The following PTPN21 variants were observed in gnomAD, a reference collection of about 807,000 sequenced individuals.
PTPN21 encodes the protein tyrosine-protein phosphatase non-receptor type 21.
A neutral mutation model predicts 131.8 loss-of-function variants in PTPN21; 77 were observed. The ratio of observed to expected loss-of-function variants is 0.58; its 90% CI spans 0.49 to 0.71. PTPN21 has a LOEUF of 0.71. Among genes scored for constraint, PTPN21 ranks in the 30% least tolerant of loss-of-function variants. The probability of loss-of-function intolerance (pLI) is 0.00; values close to 1 mark genes in which losing one functional copy is unlikely to be tolerated. For missense variants in PTPN21, 1,552 were observed against 1,527.1 expected (o/e 1.02, Z -0.27); for synonymous variants, 715 against 621.3 (o/e 1.15, Z -2.24).
intron 2 of PTPN21, among the ~76,000 whole-genome samples, chr14:88,535,909 G>A (rs2078624375): frequency 6.6e-6 from 1 of 152,204 alleles, no homozygotes; most frequent in Non-Finnish European, 1.5e-5. Flanking sequence ...TGTTAATGGA[G>A]TTCGTTTAAT....
chr14:88,518,404 ATATATATATATTTTTTTT>A (rs1330193485), intron 2 of PTPN21, among the ~76,000 whole-genome samples: 5 of 20,836 alleles, frequency 2.4e-4, no homozygotes, highest in South Asian at 1.5e-3. Flanking sequence ...ATATATATAT[ATATATATATATTTTTTTT>A]TTTTTTTTTT....
chr14:88,526,339 G>A (rs539098678), intron 2 of PTPN21, among the ~76,000 whole-genome samples: 105 of 151,982 alleles, frequency 6.9e-4, no homozygotes, highest in African/African-American at 1.9e-3. Context: ...CATGAGGTCA[G>A]GAGTTCAAGA....
chr14:88,513,250 C>T (rs1351338979), intron 3 of PTPN21, among the ~76,000 whole-genome samples: 2 of 152,136 alleles, frequency 1.3e-5, no homozygotes, highest in Non-Finnish European at 2.9e-5. Flanking sequence ...CTGCAACCTC[C>T]GCCTCCCAGG....
Position 88,536,491 on chromosome 14 carries a change from G to C in PTPN21, c.180+13747C>G, listed in dbSNP as rs112456620. 7.0e-3 allele frequency among the ~76,000 whole-genome samples: 1,065 copies of C among 152,250 alleles called. 9 individuals carry two copies. Among genetic ancestry groups the C allele is most frequent in the African/African-American group, 0.023 (942 of 41,548 alleles). ...TTGATAACCAAGTTTTTTGTTCAAA[G>C]CAAAAGAGAGTTTACAAATTTGAGA... On this transcript the variant is annotated intron_variant, in intron 2 of 18. Coordinates refer to ENST00000556564, the MANE Select transcript of PTPN21 (RefSeq NM_007039.4).
intron 3 of PTPN21, 119 bp from the exon 4 acceptor site, chr14:88,508,139 T>C: frequency 4.1e-6 from 2 of 486,494 alleles, no homozygotes; most frequent in Non-Finnish European, 7.0e-6. Context: ...TAATCCCACA[T>C]GGTTGTGTGT....
intron 10 of PTPN21, among the ~76,000 whole-genome samples, chr14:88,493,350 A>T (rs904705567): frequency 6.6e-6 from 1 of 152,190 alleles, no homozygotes; most frequent in Non-Finnish European, 1.5e-5. Flanking sequence ...TTTAAACTCA[A>T]TCTTGAAGAA....
At chr14:88,510,741 A>T (rs1281498380) in intron 3 of PTPN21, among the ~76,000 whole-genome samples, 1 of 152,164 alleles carries the variant, frequency 6.6e-6, no homozygotes, top group Non-Finnish European at 1.5e-5. Context: ...TAGCACCTAC[A>T]TCACAGGATT....
At chr14:88,507,843 A>G (rs2078116128) in intron 4 of PTPN21, 80 bp downstream of exon 4, 13 of 799,958 alleles carry the variant, frequency 1.6e-5, no homozygotes, top group Non-Finnish European at 2.5e-5. Flanking sequence ...ATAGATAGAT[A>G]ACTTAAAAAT....
rs2077434595 is a variant in PTPN21, at chr14:88,469,969, C to T, written c.2953G>A (p.Val985Ile). ...ATAATTGCAATTCCCTGTTCCCATACCATCTGCCAAAAATCTTGACAGGTA... is the reference window on the plus strand; with the variant it reads ...ATAATTGCAATTCCCTGTTCCCATATCATCTGCCAAAAATCTTGACAGGTA... ...QNTCQDFWQM[V>I]WEQGIAIIAM... Residue 985 changes from valine (V) to isoleucine (I), a missense_variant, in exon 16 of 19, where the codon GTA becomes ATA. Transcript: ENST00000556564. This position sits in a 1 kb window ranked among gnomAD's most constrained non-coding sequence, Gnocchi z 4.3. The T allele has an allele frequency of 1.9e-6, 3 of 1,614,100 alleles. No homozygotes were observed. The East Asian group carries it at 6.7e-5, about 36-fold the overall frequency.
chr14:88,479,968 G>T lies in PTPN21; in HGVS notation c.1463C>A (p.Ala488Glu). 6.2e-7 allele frequency: 1 copy of T among 1,609,136 alleles called. No individual in the cohort carries two copies. The highest frequency in any genetic ancestry group is 8.5e-7 in the Non-Finnish European group (1 of 1,179,972). ...GATCTCGGGCTGGCTGTAGACCAGC[G>T]CCGCGGGCCTGCTGTAGGCGTACGA... ...GSSYAYSRPA[A>E]LVYSQPEIRE... is the part of the protein sequence containing the mutation. The change falls in exon 13 of 19, where the codon GCG becomes GAG. Residue 488 changes from alanine to glutamate, a missense_variant. Transcript: ENST00000556564.
chr14:88,481,992 G>A (rs749422623), intron 12 of PTPN21, among the ~76,000 whole-genome samples: 1 of 152,222 alleles, frequency 6.6e-6, no homozygotes, highest in South Asian at 2.1e-4. Context: ...AAGCCCCTAC[G>A]GCAGACTCAG....
intron 10 of PTPN21, among the ~76,000 whole-genome samples, chr14:88,486,977 CA>C (rs1198956976): frequency 0.012 from 664 of 54,626 alleles, 1 homozygote; most frequent in Middle Eastern, 0.019. Context: ...ATTCTAGCCT[CA>C]AAAAAAAAAA....
At position 88,467,177 on chromosome 14, in the gene PTPN21, ACT is replaced by A. The variant is rs1201685616; in HGVS notation, c.*958_*959del. The A allele has an allele frequency of 2.0e-5, 3 of 150,968 alleles. No individual in the cohort carries two copies. The highest frequency in any genetic ancestry group is 3.9e-4 in the East Asian group (2 of 5,178). 9.4% of individuals were successfully genotyped at this position (150,968 alleles called of 1,614,324 possible). ...TACTCTTGTCCTAGTCATCTTACATACTCTTAGTCCTTAATCTCTCCCAAAAC... is the reference window on the plus strand; with the variant it reads ...TACTCTTGTCCTAGTCATCTTACATACTTAGTCCTTAATCTCTCCCAAAAC... On this transcript the variant is annotated 3_prime_UTR_variant, in exon 19 of 19. Transcript: ENST00000556564.
intron 10 of PTPN21, among the ~76,000 whole-genome samples, chr14:88,495,789 G>A (rs2077904619): frequency 6.6e-6 from 1 of 152,072 alleles, no homozygotes; most frequent in Admixed American, 6.6e-5. Flanking sequence ...ACTGCGGAGC[G>A]GTCAAGTGAG....
At position 88,500,829 on chromosome 14, in the gene PTPN21, CT is replaced by C; in HGVS notation, c.717del (p.Gly240ValfsTer4). On this transcript the variant is annotated frameshift_variant, in exon 8 of 19. Transcript: ENST00000556564. LOFTEE classifies it high-confidence loss of function. The stretch of plus-strand genomic sequence containing the variant: ...CCATTCTTGTGTTTCACAAAGATAC[CT>C]TCAAGACACGCTCCAATGGATATGT... ...GSDISIGACL[E>X]GIFVKHKNGR... 6.2e-7 allele frequency: 1 copy of C among 1,613,920 alleles called. No individual in the cohort carries two copies. Among genetic ancestry groups the C allele is most frequent in the Non-Finnish European group, 8.5e-7 (1 of 1,179,876 alleles).
chr14:88,471,351 G>A (rs1239072886), intron 15 of PTPN21, among the ~76,000 whole-genome samples: 6 of 152,144 alleles, frequency 3.9e-5, no homozygotes, highest in Non-Finnish European at 8.8e-5. Flanking sequence ...TGAGGAAGAG[G>A]GAACATCTGG....
In PTPN21 at chr14:88,469,720, T is replaced by C; in HGVS notation, c.3014A>G (p.Glu1005Gly). ...TCGTGGCCAGTACCTAAAGCTCTTC[T>C]CCCTTCCACCCTCCTGTTAAAGATG... ...MVTAEEEGGR[E>G]KSFRYWPRLG... Residue 1005 changes from glutamate to glycine, a missense_variant, in exon 17 of 19, where the codon GAG (glutamate) becomes GGG (glycine). Physicochemically the swap from Glu to Gly is moderately conservative, Grantham distance 98. This residue lies in a region of PTPN21 where 316 missense variants were observed against 378.5 expected (regional missense o/e 0.83). Transcript: ENST00000556564. The surrounding 1 kb of genome is among the most constrained non-coding windows in gnomAD (Gnocchi z 4.3). The C allele has an allele frequency of 6.2e-7, 1 of 1,614,116 alleles. No homozygotes were observed. Among genetic ancestry groups the C allele is most frequent in the Non-Finnish European group, 8.5e-7 (1 of 1,180,008 alleles).
chr14:88,516,644 T>TC (rs1413699659), intron 3 of PTPN21, among the ~76,000 whole-genome samples: 2 of 152,106 alleles, frequency 1.3e-5, no homozygotes, highest in East Asian at 3.9e-4. Flanking sequence ...TCCCTCCCTC[T>TC]CCTCTGTACT....
At chr14:88,468,693 A>G (rs1418391163) in intron 18 of PTPN21, among the ~76,000 whole-genome samples, 1 of 152,224 alleles carries the variant, frequency 6.6e-6, no homozygotes, top group Non-Finnish European at 1.5e-5. Context: ...GTAAAACAAA[A>G]TTAAACAGCT....
Sources: gnomAD v4.1 joint callset for allele counts (sites outside exome capture counted in the v4.1 genomes callset) on GRCh38, gnomAD v4.1.1 for gene constraint, gnomAD v4.1.1 regional missense constraint, Gnocchi (gnomAD v3.1) non-coding constraint, MANE v1.5 for transcripts, NCBI Gene and HGNC (gene_info 2026-07-23, HGNC 2026-07-21) for gene names.